COL25A1: variants seen among roughly 807,000 people sequenced by gnomAD.
COL25A1 encodes collagen alpha-1(XXV) chain.
In COL25A1, 103 loss-of-function variants were observed where a neutral mutation model predicts 128.4. That is an observed-to-expected ratio of 0.80 (90% CI 0.68 to 0.94). The LOEUF (loss-of-function observed/expected upper bound fraction) is 0.94. COL25A1 is among the 40% of genes least tolerant of loss of function. COL25A1 has a pLI of 0.00. For missense variants in COL25A1, 745 were observed against 840.0 expected (o/e 0.89, Z 1.40); for synonymous variants, 279 against 277.2 (o/e 1.01, Z -0.06).
intron 3 of COL25A1, among the ~76,000 whole-genome samples, chr4:109,054,259 C>T (rs1488807864): frequency 6.6e-6 from 1 of 152,150 alleles, no homozygotes; most frequent in African/African-American, 2.4e-5. Flanking sequence ...ATACTAAAGA[C>T]AACATGGAAC....
chr4:109,122,152 G>T (rs1768159209), intron 3 of COL25A1, among the ~76,000 whole-genome samples: 1 of 152,088 alleles, frequency 6.6e-6, no homozygotes, highest in African/African-American at 2.4e-5. Flanking sequence ...TGAGCACAGA[G>T]GATTTTAGGA....
intron 3 of COL25A1, among the ~76,000 whole-genome samples, chr4:109,157,221 C>T (rs184243905): frequency 3.9e-5 from 6 of 152,084 alleles, no homozygotes; most frequent in Admixed American, 3.3e-4. Flanking sequence ...TAAAAGTTCA[C>T]AAAATGAATT....
At chr4:109,009,432 A>T (rs183158363) in intron 6 of COL25A1, among the ~76,000 whole-genome samples, 100 of 152,356 alleles carry the variant, frequency 6.6e-4, no homozygotes, top group Non-Finnish European at 5.9e-5. Context: ...TTCATTAGAC[A>T]TCTATATACA....
rs567795760 is a variant in COL25A1, at chr4:108,888,868, T to A, written c.975+353A>T. 1.5e-4 allele frequency among the ~76,000 whole-genome samples: 23 copies of A among 152,268 alleles called. 1 individual carries two copies. In the South Asian group the frequency reaches 2.3e-3, roughly 15 times the overall value. ...AAGCAACACAGCCAATTATAGACATTTTTTTCTATTAAAAAGTTATTTAAA... is the reference window on the plus strand; with the variant it reads ...AAGCAACACAGCCAATTATAGACATATTTTTCTATTAAAAAGTTATTTAAA... On this transcript the variant is annotated intron_variant, in intron 18 of 37. Transcript: ENST00000399132.
intron 3 of COL25A1, among the ~76,000 whole-genome samples, chr4:109,050,848 GA>G (rs1277972102): frequency 2.0e-5 from 3 of 151,472 alleles, no homozygotes; most frequent in Non-Finnish European, 2.9e-5. Context: ...TAGCCTTTAT[GA>G]TGATCCCATT....
At chr4:109,267,710 A>G (rs111675893) in intron 3 of COL25A1, among the ~76,000 whole-genome samples, 10 of 152,142 alleles carry the variant, frequency 6.6e-5, no homozygotes, top group African/African-American at 2.4e-4. Context: ...CAAAAGAAAC[A>G]CTCTGGAGCA....
At chr4:109,063,016 TGGTTTCCTTCTGAAAA>T (rs1206110600) in intron 3 of COL25A1, among the ~76,000 whole-genome samples, 1 of 152,222 alleles carries the variant, frequency 6.6e-6, no homozygotes, top group African/African-American at 2.4e-5. Context: ...TGTGTATGTT[TGGTTTCCTTCTGAAAA>T]GGCCTCATGA....
intron 19 of COL25A1, among the ~76,000 whole-genome samples, chr4:108,873,375 T>C (rs758691614): frequency 5.3e-5 from 8 of 152,224 alleles, no homozygotes; most frequent in Non-Finnish European, 7.3e-5. Context: ...TAGAGGATTC[T>C]GGCTTTGTTA....
intron 8 of COL25A1, among the ~76,000 whole-genome samples, chr4:108,957,837 C>T (rs1029763484): frequency 6.6e-6 from 1 of 152,076 alleles, no homozygotes; most frequent in African/African-American, 2.4e-5. Flanking sequence ...TATCTTCCCC[C>T]TCATCACTCT....
chr4:109,245,449 T>TG (rs1560923361), intron 3 of COL25A1, among the ~76,000 whole-genome samples: 6 of 152,004 alleles, frequency 3.9e-5, no homozygotes, highest in African/African-American at 1.2e-4. Flanking sequence ...AACAAAGGTA[T>TG]CCTATCATAT....
chr4:108,887,896 T>C (rs1346200055), intron 18 of COL25A1, among the ~76,000 whole-genome samples: 1 of 152,184 alleles, frequency 6.6e-6, no homozygotes, highest in Non-Finnish European at 1.5e-5. Flanking sequence ...ACTTAGCCTT[T>C]AAATTTGAAA....
chr4:109,114,271 C>T (rs191214155), intron 3 of COL25A1, among the ~76,000 whole-genome samples: 237 of 152,060 alleles, frequency 1.6e-3, no homozygotes, highest in African/African-American at 5.6e-3. Context: ...TATGTGCTGG[C>T]AATATCGACA....
intron 8 of COL25A1, among the ~76,000 whole-genome samples, chr4:108,955,298 TA>T (rs1377823696): frequency 6.6e-6 from 1 of 152,134 alleles, no homozygotes; most frequent in Non-Finnish European, 1.5e-5. Context: ...TCATAAACTT[TA>T]ATTGTTCAAT....
At chr4:108,950,875 G>C (rs1749339991) in intron 8 of COL25A1, among the ~76,000 whole-genome samples, 1 of 152,184 alleles carries the variant, frequency 6.6e-6, no homozygotes, top group Admixed American at 6.5e-5. Context: ...AATCCACATG[G>C]AAAATGTGTT....
intron 32 of COL25A1, among the ~76,000 whole-genome samples, chr4:108,830,186 A>C (rs1389758874): frequency 6.6e-6 from 1 of 152,198 alleles, no homozygotes; most frequent in Admixed American, 6.5e-5. Flanking sequence ...TCCTGGATTA[A>C]GCAATTCCAA....
At chr4:108,945,327 C>T (rs897436116) in intron 8 of COL25A1, among the ~76,000 whole-genome samples, 2 of 152,174 alleles carry the variant, frequency 1.3e-5, no homozygotes, top group Non-Finnish European at 2.9e-5. Context: ...GCTTCTTGCA[C>T]GAGTTCTTTG....
chr4:108,826,264 G>A lies in COL25A1; in HGVS notation c.1764+871C>T, dbSNP rs1028696390. Among the ~76,000 whole-genome samples, 38 of 152,240 alleles carry A rather than the reference G, an allele frequency of 2.5e-4. 1 individual carries two copies. Among genetic ancestry groups the A allele is most frequent in the Non-Finnish European group, 4.0e-4 (27 of 68,010 alleles). On this transcript the variant is annotated intron_variant, in intron 33 of 37. Coordinates refer to ENST00000399132, the MANE Select transcript of COL25A1 (RefSeq NM_198721.4). Reference sequence around the variant, plus strand: ...GTAATTAAGAATTTTCAGGCCGGGCGCAGTGTCTCACGCCTATAAATCGAG... The same window carrying A: ...GTAATTAAGAATTTTCAGGCCGGGCACAGTGTCTCACGCCTATAAATCGAG...
intron 3 of COL25A1, among the ~76,000 whole-genome samples, chr4:109,292,467 T>C (rs1287765413): frequency 6.6e-6 from 1 of 152,026 alleles, no homozygotes; most frequent in Non-Finnish European, 1.5e-5. Context: ...CAGATCTTCA[T>C]CATAAACATC....
At chr4:109,263,679 T>A (rs1781592589) in intron 3 of COL25A1, among the ~76,000 whole-genome samples, 1 of 152,226 alleles carries the variant, frequency 6.6e-6, no homozygotes, top group African/African-American at 2.4e-5. Context: ...CAAAGCCCTC[T>A]CTGCCTCGGG....
Sources: gnomAD v4.1 joint callset for allele counts (sites outside exome capture counted in the v4.1 genomes callset) on GRCh38, gnomAD v4.1.1 for gene constraint, MANE v1.5 for transcripts, NCBI Gene and HGNC (gene_info 2026-07-23, HGNC 2026-07-21) for gene names.